The following PRR5 variants were observed in gnomAD, a reference collection of about 807,000 sequenced individuals.
PRR5 encodes the protein proline-rich protein 5.
In PRR5, 25 loss-of-function variants were observed where a neutral mutation model predicts 30.6. The observed-to-expected ratio is 0.82, with a 90% CI of 0.60 to 1.14. The LOEUF is 1.14. Among genes scored for constraint, PRR5 ranks in the 50% most tolerant of loss-of-function variants. The probability of loss-of-function intolerance (pLI) is 0.00; values close to 1 mark genes in which losing one functional copy is unlikely to be tolerated. For synonymous variants in PRR5, 286 were observed against 247.1 expected (o/e 1.16, Z -1.48); for missense variants, 600 against 547.1 (o/e 1.10, Z -0.96).
chr22:44,735,253 G>A, intron 7 of PRR5, 91 bp downstream of exon 7: 1 of 1,422,022 alleles, frequency 7.0e-7, no homozygotes, highest in Non-Finnish European at 9.5e-7. Flanking sequence ...CCCCACGACA[G>A]AACCAGGATC....
In PRR5 at chr22:44,691,510, A is replaced by G. The variant is rs2146968840; in HGVS notation, c.-10-10982A>G. On this transcript the variant is annotated intron_variant, in intron 1 of 8. Transcript: ENST00000006251. The surrounding 1 kb of genome is among the most constrained non-coding windows in gnomAD (Gnocchi z 4.4). ...GTTGGGGCCCCTCCAGCGCCCCTGCAGTTTGGGAGGCCGAGCAGTTTGGGA... is the reference window on the plus strand; with the variant it reads ...GTTGGGGCCCCTCCAGCGCCCCTGCGGTTTGGGAGGCCGAGCAGTTTGGGA... Among the ~76,000 whole-genome samples, 1 of 152,200 alleles carries G rather than the reference A, an allele frequency of 6.6e-6. No individual in the cohort carries two copies. The highest frequency in any genetic ancestry group is 1.5e-5 in the Non-Finnish European group (1 of 67,976).
intron 5 of PRR5, 97 bp downstream of exon 5, chr22:44,731,918 C>CA (rs1441805466): frequency 1.9e-5 from 24 of 1,254,194 alleles, no homozygotes; most frequent in Non-Finnish European, 2.7e-5. Flanking sequence ...TGGGGACACA[C>CA]ACACCTGCTC....
intron 7 of PRR5, among the ~76,000 whole-genome samples, chr22:44,736,456 A>G (rs111337905): frequency 4.6e-5 from 7 of 151,892 alleles, no homozygotes; most frequent in African/African-American, 1.7e-4. Context: ...CACTTCCACA[A>G]GTGGGGAAAC....
intron 4 of PRR5, chr22:44,729,387 C>A: frequency 1.0e-6 from 1 of 985,292 alleles, no homozygotes; most frequent in Non-Finnish European, 1.2e-6. Context: ...CAGCGAGAAC[C>A]CCAGAGTGGG....
At chr22:44,684,448 G>T (rs1671165775) in intron 1 of PRR5, among the ~76,000 whole-genome samples, 1 of 152,228 alleles carries the variant, frequency 6.6e-6, no homozygotes. Context: ...TCAGGAGGCT[G>T]AAGCAGGAAA....
chr22:44,702,542 C>G lies in PRR5; in HGVS notation c.68C>G (p.Pro23Arg). 1 of 1,450,260 alleles carries G rather than the reference C, an allele frequency of 6.9e-7. No individual in the cohort carries two copies. Among genetic ancestry groups the G allele is most frequent in the South Asian group, 1.4e-5 (1 of 73,004 alleles). 89.8% of individuals were successfully genotyped at this position (1,450,260 alleles called of 1,614,324 possible). A position where few individuals can be genotyped will look rare whatever the true frequency, so the allele number is the denominator to read the frequency against. ...PSLSDLGKRE[P>R]AAAADERGTQ... ...CTCAGTGACCTGGGCAAGAGAGAGC[C>G]GGCCGCCGCCGCGGACGAGCGGGGC... Residue 23 changes from proline (P) to arginine (R), a missense_variant, in exon 1 of 8, where the codon CCG becomes CGG. Pro to Arg is a moderately radical substitution (Grantham distance 103). Transcript: ENST00000336985.
intron 1 of PRR5, among the ~76,000 whole-genome samples, chr22:44,710,772 G>A (rs970256033): frequency 6.6e-6 from 1 of 152,140 alleles, no homozygotes; most frequent in African/African-American, 2.4e-5. Flanking sequence ...GTAATCTGGG[G>A]GCTGGTGGTT....
At chr22:44,681,105 G>C (rs1182997779) in intron 1 of PRR5, among the ~76,000 whole-genome samples, 2 of 152,182 alleles carry the variant, frequency 1.3e-5, no homozygotes, top group African/African-American at 4.8e-5. Context: ...CATCTGCAGA[G>C]CTGAGGTGCT....
intron 6 of PRR5, chr22:44,734,133 A>T (rs1013222685): frequency 3.9e-5 from 6 of 152,228 alleles, no homozygotes; most frequent in African/African-American, 1.4e-4. Flanking sequence ...TTAGCCGGGC[A>T]TGGTGATGCA....
At chr22:44,731,531 T>C (rs1921961258) in intron 4 of PRR5, 199 bp from the exon 5 acceptor site, 6 of 599,678 alleles carry the variant, frequency 1.0e-5, no homozygotes, top group Non-Finnish European at 1.5e-5. Flanking sequence ...ATTTTATAAA[T>C]GGAAGACTGA....
chr22:44,693,358 A>T (rs1418706539), intron 1 of PRR5, among the ~76,000 whole-genome samples: 1 of 151,902 alleles, frequency 6.6e-6, no homozygotes, highest in Non-Finnish European at 1.5e-5. Context: ...GCTACCAGGG[A>T]GGCTGTGGGA....
chr22:44,678,845 C>T (rs1159519847), intron 1 of PRR5, among the ~76,000 whole-genome samples: 21 of 152,212 alleles, frequency 1.4e-4, no homozygotes, highest in Admixed American at 1.4e-3. Flanking sequence ...GGTCCCAGGG[C>T]TCAGCTGGGG....
At chr22:44,734,874 C>A (rs553648334) in intron 6 of PRR5, 153 bp from the exon 7 acceptor site, 2 of 1,093,280 alleles carry the variant, frequency 1.8e-6, no homozygotes, top group African/African-American at 1.6e-5. Flanking sequence ...TGGGAGGCCA[C>A]CGTGGGCCCT....
chr22:44,704,969 C>T (rs918140068), intron 1 of PRR5, among the ~76,000 whole-genome samples: 5 of 152,160 alleles, frequency 3.3e-5, no homozygotes, highest in Admixed American at 2.6e-4. Flanking sequence ...CCAGGGCCCC[C>T]TAGGACAACA....
chr22:44,712,560 G>A lies in PRR5; in HGVS notation c.135-2031G>A, dbSNP rs117100411. Among the ~76,000 whole-genome samples, 8 of 152,218 alleles carry A rather than the reference G, an allele frequency of 5.3e-5. No homozygotes were observed. In the South Asian group the frequency reaches 6.2e-4, roughly 12 times the overall value. On this transcript the variant is annotated intron_variant, in intron 1 of 7. Transcript: ENST00000336985. ...TGCACAGGGGCCCAAGATGCTGGCCGCTCTGTGACCTCCAGCAGAGGACTT... is the reference window on the plus strand; with the variant it reads ...TGCACAGGGGCCCAAGATGCTGGCCACTCTGTGACCTCCAGCAGAGGACTT...
At chr22:44,732,985 T>C (rs1043867869) in intron 6 of PRR5, among the ~76,000 whole-genome samples, 14 of 137,306 alleles carry the variant, frequency 1.0e-4, no homozygotes, top group African/African-American at 3.0e-4. Flanking sequence ...ACTACACACA[T>C]ACATGTGCGC....
intron 1 of PRR5, among the ~76,000 whole-genome samples, chr22:44,692,132 C>G (rs1287394664): frequency 1.3e-5 from 2 of 152,004 alleles, no homozygotes; most frequent in East Asian, 1.9e-4. Context: ...CCCACACCCC[C>G]AAATCCTACA....
At chr22:44,696,356 T>C (rs1472157189) in intron 1 of PRR5, among the ~76,000 whole-genome samples, 1 of 152,112 alleles carries the variant, frequency 6.6e-6, no homozygotes, top group Admixed American at 6.5e-5. Context: ...GAGGCACCTA[T>C]TGAGAGACTA....
chr22:44,686,892 A>G (rs1924800570), intron 1 of PRR5, among the ~76,000 whole-genome samples: 1 of 152,222 alleles, frequency 6.6e-6, no homozygotes, highest in Non-Finnish European at 1.5e-5. Context: ...GATTACAGGC[A>G]TGAACTACCA....
Sources: allele counts gnomAD v4.1 joint callset (sites outside exome capture counted in the v4.1 genomes callset), GRCh38; gene constraint gnomAD v4.1.1; non-coding constraint Gnocchi (gnomAD v3.1); transcripts MANE v1.5; gene names NCBI Gene and HGNC (gene_info 2026-07-23, HGNC 2026-07-21).